The following SEMA5A variants were observed in gnomAD, a reference collection of about 807,000 sequenced individuals.
SEMA5A encodes the protein semaphorin 5A.
SEMA5A carries 55 observed loss-of-function variants against 135.5 expected under a neutral mutation model. The observed-to-expected ratio is 0.41, with a 90% CI of 0.33 to 0.51. The LOEUF is 0.51. Ranked by LOEUF, SEMA5A falls within the 20% of genes least tolerant of loss-of-function variation. SEMA5A has a pLI of 0.37. For missense variants in SEMA5A, 1,290 were observed against 1,419.9 expected, an observed-to-expected ratio of 0.91 and a Z score of 1.47; for synonymous variants, 580 against 546.5, an observed-to-expected ratio of 1.06 and a Z score of -0.85.
chr5:9,466,393 A>T (rs1759263330), intron 1 of SEMA5A, among the ~76,000 whole-genome samples: 2 of 151,402 alleles, frequency 1.3e-5, no homozygotes. Flanking sequence ...AAAAAAAAAA[A>T]AAAAAGAAAA....
At chr5:9,256,050 C>T (rs1184723877) in intron 5 of SEMA5A, among the ~76,000 whole-genome samples, 1 of 152,146 alleles carries the variant, frequency 6.6e-6, no homozygotes, top group Non-Finnish European at 1.5e-5. Context: ...ACAAACAAAA[C>T]TTTCCAAATG....
At chr5:9,287,650 C>A (rs1340986459) in intron 5 of SEMA5A, among the ~76,000 whole-genome samples, 1 of 152,098 alleles carries the variant, frequency 6.6e-6, no homozygotes, top group Non-Finnish European at 1.5e-5. Context: ...TCAGGCCTAC[C>A]ACCTATTATT....
chr5:9,273,522 C>T (rs1214810355), intron 5 of SEMA5A, among the ~76,000 whole-genome samples: 1 of 151,908 alleles, frequency 6.6e-6, no homozygotes, highest in Non-Finnish European at 1.5e-5. Flanking sequence ...AGAGCAACCC[C>T]AAGACACATA....
At chr5:9,500,215 C>T (rs572265206) in intron 1 of SEMA5A, among the ~76,000 whole-genome samples, 1 of 152,298 alleles carries the variant, frequency 6.6e-6, no homozygotes, top group African/African-American at 2.4e-5. Context: ...TAATCCTCAG[C>T]TCATTTTATG....
At chr5:9,366,592 G>A (rs1754924199) in intron 3 of SEMA5A, among the ~76,000 whole-genome samples, 2 of 152,114 alleles carry the variant, frequency 1.3e-5, no homozygotes, top group African/African-American at 4.8e-5. Flanking sequence ...GTTTCACCGT[G>A]TTAGCTAGGA....
chr5:9,333,566 T>C (rs113090330), intron 4 of SEMA5A, among the ~76,000 whole-genome samples: 2 of 152,214 alleles, frequency 1.3e-5, no homozygotes, highest in Non-Finnish European at 2.9e-5. Flanking sequence ...CAATCTGCAG[T>C]GAAACTTACA....
At chr5:9,380,063 T>G in intron 2 of SEMA5A, 40 bp from the exon 3 acceptor site, 2 of 1,367,012 alleles carry the variant, frequency 1.5e-6, no homozygotes, top group Non-Finnish European at 2.0e-6. Flanking sequence ...GACTGTGAGT[T>G]CGTTTTCTGG....
rs186709903 is a variant in SEMA5A at position 9,237,197 on chromosome 5, G to A, written c.333+631C>T. 2.0e-5 allele frequency among the ~76,000 whole-genome samples: 3 copies of A among 152,274 alleles called. No individual in the cohort carries two copies. The East Asian group carries it at 5.8e-4, about 29-fold the overall frequency. On this transcript the variant is annotated intron_variant, in intron 6 of 22. Transcript: ENST00000382496. ...AGCTGCAGAAGAATTTCCTCAAGTT[G>A]ATCATGAATAATTTTCTCAAAGACA...
chr5:9,514,530 A>C (rs922621278), intron 1 of SEMA5A, among the ~76,000 whole-genome samples: 2 of 152,210 alleles, frequency 1.3e-5, no homozygotes, highest in African/African-American at 4.8e-5. Flanking sequence ...CTGATATGTA[A>C]TAGTGTAGCA....
chr5:9,217,621 G>A (rs1746704351), intron 8 of SEMA5A, among the ~76,000 whole-genome samples: 1 of 152,160 alleles, frequency 6.6e-6, no homozygotes, highest in South Asian at 2.1e-4. Context: ...CCCTCTCAGG[G>A]ATGCCGAGGA....
rs554597334 is a variant in SEMA5A, at chr5:9,255,442, G to A, written c.271-17552C>T. On this transcript the variant is annotated intron_variant, in intron 5 of 22. Transcript: ENST00000382496. ...GAGAAACAATGTGCCCTAACACAAA[G>A]ACATACGGCTTGATCACCATGAAGT... 3.3e-5 allele frequency among the ~76,000 whole-genome samples: 5 copies of A among 152,300 alleles called. No homozygotes were observed. The East Asian group carries it at 9.7e-4, about 29-fold the overall frequency.
At chr5:9,355,216 T>C (rs374947600) in intron 3 of SEMA5A, among the ~76,000 whole-genome samples, 47 of 140,476 alleles carry the variant, frequency 3.3e-4, no homozygotes, top group African/African-American at 1.1e-3. Flanking sequence ...CTGATTCAGC[T>C]TGCAGCTATA....
chr5:9,101,202 T>C (rs1328755447), intron 16 of SEMA5A, among the ~76,000 whole-genome samples: 1 of 152,228 alleles, frequency 6.6e-6, no homozygotes, highest in East Asian at 1.9e-4. Flanking sequence ...GGTGTTTAAG[T>C]TAATCTTATG....
intron 13 of SEMA5A, among the ~76,000 whole-genome samples, chr5:9,134,682 G>A (rs1741632946): frequency 6.6e-6 from 1 of 152,160 alleles, no homozygotes; most frequent in Admixed American, 6.5e-5. Context: ...ACAACTCTGG[G>A]TCCTAGACAA....
At chr5:9,076,411 A>T (rs1157929124) in intron 16 of SEMA5A, among the ~76,000 whole-genome samples, 1 of 152,106 alleles carries the variant, frequency 6.6e-6, no homozygotes, top group Non-Finnish European at 1.5e-5. Flanking sequence ...GGTAAGTGGA[A>T]GAAAGAGAGG....
chr5:9,380,412 G>A (rs1755547900), intron 2 of SEMA5A, among the ~76,000 whole-genome samples: 1 of 152,084 alleles, frequency 6.6e-6, no homozygotes, highest in East Asian at 1.9e-4. Flanking sequence ...TCTATATGTG[G>A]AAACCCTACA....
In SEMA5A at chr5:9,384,681, TAGATAG is replaced by T. The variant is rs1561208379; in HGVS notation, c.-77-4664_-77-4659del. On this transcript the variant is annotated intron_variant, in intron 2 of 22. Coordinates refer to ENST00000382496, the MANE Select transcript of SEMA5A (RefSeq NM_003966.3). The stretch of plus-strand genomic sequence containing the variant: ...ATAGATATAGATAGATAGATATAGA[TAGATAG>T]ATAGATAGATAGATAGATAGATAGA... Among the ~76,000 whole-genome samples, 16 of 110,178 alleles carry T rather than the reference TAGATAG, an allele frequency of 1.5e-4. 1 individual carries two copies. The highest frequency in any genetic ancestry group is 6.5e-4 in the African/African-American group (15 of 23,200). 72.3% of individuals were successfully genotyped at this position (110,178 alleles called of 152,430 possible).
chr5:9,493,987 G>A (rs760421813), intron 1 of SEMA5A, among the ~76,000 whole-genome samples: 9 of 152,078 alleles, frequency 5.9e-5, no homozygotes, highest in Non-Finnish European at 1.2e-4. Flanking sequence ...GCTAAATATT[G>A]TACCTATTTT....
At chr5:9,282,013 A>G (rs1283562353) in intron 5 of SEMA5A, among the ~76,000 whole-genome samples, 2 of 151,898 alleles carry the variant, frequency 1.3e-5, no homozygotes, top group South Asian at 2.1e-4. Context: ...GGGTTTTACC[A>G]TCTTGGCCAG....
Sources: gnomAD v4.1 joint callset for allele counts (sites outside exome capture counted in the v4.1 genomes callset) on GRCh38, gnomAD v4.1.1 for gene constraint, MANE v1.5 for transcripts, NCBI Gene and HGNC (gene_info 2026-07-23, HGNC 2026-07-21) for gene names.